DLGAP2: variants seen among roughly 807,000 people sequenced by gnomAD.
DLGAP2 encodes the protein DLG associated protein 2.
DLGAP2 carries 26 observed loss-of-function variants against 100.3 expected under a neutral mutation model. That is an observed-to-expected ratio of 0.26 (90% CI 0.19 to 0.36). DLGAP2 has a LOEUF of 0.36. Ranked by LOEUF, DLGAP2 falls within the 10% of genes least tolerant of loss-of-function variation. DLGAP2 has a pLI of 1.00. For missense variants in DLGAP2, 1,858 were observed against 1,453.2 expected (o/e 1.28, Z -4.53); for synonymous variants, 886 against 630.1 (o/e 1.41, Z -6.08).
At chr8:1,219,160 G>A (rs552157405) in intron 2 of DLGAP2, among the ~76,000 whole-genome samples, 1 of 152,252 alleles carries the variant, frequency 6.6e-6, no homozygotes, top group South Asian at 2.1e-4. Context: ...GTACTATGTT[G>A]AATAGAAGTA....
At chr8:1,472,068 C>T (rs377603638) in intron 3 of DLGAP2, among the ~76,000 whole-genome samples, 2 of 152,236 alleles carry the variant, frequency 1.3e-5, no homozygotes, top group African/African-American at 4.8e-5. Flanking sequence ...ATAGCAGCCA[C>T]GATTGAGCGT....
intron 2 of DLGAP2, among the ~76,000 whole-genome samples, chr8:1,187,805 C>G (rs967425208): frequency 7.5e-6 from 1 of 132,802 alleles, no homozygotes; most frequent in African/African-American, 3.6e-5. Flanking sequence ...CTCATGGAAT[C>G]TCACACGCCC....
At chr8:1,352,162 C>T (rs557876531) in intron 3 of DLGAP2, among the ~76,000 whole-genome samples, 3 of 108,322 alleles carry the variant, frequency 2.8e-5, no homozygotes, top group South Asian at 7.2e-4. Context: ...AAAGGCCGTG[C>T]GGGTCCTGAG....
chr8:1,436,147 C>T lies in DLGAP2; in HGVS notation c.107-65219C>T, dbSNP rs560613380. Among the ~76,000 whole-genome samples the T allele has an allele frequency of 4.6e-5, 7 of 152,228 alleles. No individual in the cohort carries two copies. In the East Asian group the frequency reaches 5.8e-4, roughly 13 times the overall value. ...GACTCACAACCACAAGGTGAACTCC[C>T]ACCACAAGCCGTCTGCAAGCTGAGG... On this transcript the variant is annotated intron_variant, in intron 3 of 14. Coordinates refer to ENST00000637795, the MANE Select transcript of DLGAP2 (RefSeq NM_001346810.2).
intron 2 of DLGAP2, among the ~76,000 whole-genome samples, chr8:1,128,196 T>A (rs930271011): frequency 6.6e-6 from 1 of 151,486 alleles, no homozygotes; most frequent in African/African-American, 2.4e-5. Context: ...CCCCGTGTTG[T>A]GTTCGGTGAG....
At chr8:1,419,847 C>G (rs559120350) in intron 3 of DLGAP2, among the ~76,000 whole-genome samples, 2 of 152,322 alleles carry the variant, frequency 1.3e-5, no homozygotes, top group Non-Finnish European at 2.9e-5. Flanking sequence ...AATCCCACTA[C>G]TGAGTGTACA....
At chr8:1,475,327 A>G (rs1261869691) in intron 3 of DLGAP2, among the ~76,000 whole-genome samples, 1 of 152,170 alleles carries the variant, frequency 6.6e-6, no homozygotes, top group Non-Finnish European at 1.5e-5. Context: ...TTAAAAAAGA[A>G]AAAAAAGCCG....
chr8:946,356 C>T (rs191866990), intron 2 of DLGAP2, among the ~76,000 whole-genome samples: 1,703 of 151,974 alleles, frequency 0.011, 12 homozygotes, highest in Non-Finnish European at 0.018. Context: ...CTCCGCCTCC[C>T]GGGTTCACAC....
chr8:1,506,759 A>G (rs535140018), intron 4 of DLGAP2, among the ~76,000 whole-genome samples: 23 of 152,330 alleles, frequency 1.5e-4, no homozygotes, highest in Admixed American at 1.5e-3. Flanking sequence ...TGGTGCATTT[A>G]CAATCCCTGA....
At position 1,548,833 on chromosome 8, in the gene DLGAP2, G is replaced by A; in HGVS notation, c.380G>A (p.Ser127Asn). 1 of 1,580,080 alleles carries A rather than the reference G, an allele frequency of 6.3e-7. No individual in the cohort carries two copies. Among genetic ancestry groups the A allele is most frequent in the Non-Finnish European group, 8.6e-7 (1 of 1,167,064 alleles). Reference sequence around the variant, plus strand: ...CCCTACCTGCTGAGCCCCGCCGACAGCTGCCCCGGGGGGCGCCACCGCTGC... The same window carrying A: ...CCCTACCTGCTGAGCCCCGCCGACAACTGCCCCGGGGGGCGCCACCGCTGC... ...RPPYLLSPADSCPGGRHRCSP... is the reference protein window; with the variant it reads ...RPPYLLSPADNCPGGRHRCSP... Residue 127 changes from serine (S) to asparagine (N), a missense_variant, in exon 5 of 15, where the codon AGC becomes AAC. Coordinates refer to ENST00000637795, the MANE Select transcript of DLGAP2 (RefSeq NM_001346810.2).
At chr8:890,077 C>T (rs1471894068) in intron 1 of DLGAP2, among the ~76,000 whole-genome samples, 1 of 152,142 alleles carries the variant, frequency 6.6e-6, no homozygotes, top group Admixed American at 6.5e-5. Context: ...GTCACGCCAG[C>T]CTTCTAGTGA....
chr8:1,023,868 T>TGTGTGA (rs1801700846), intron 2 of DLGAP2, among the ~76,000 whole-genome samples: 1 of 149,870 alleles, frequency 6.7e-6, no homozygotes, highest in Admixed American at 6.7e-5. Context: ...TGTGTGTGTG[T>TGTGTGA]GTGTGTGTGT....
chr8:1,125,952 C>T (rs1796153744), intron 2 of DLGAP2, among the ~76,000 whole-genome samples: 1 of 152,230 alleles, frequency 6.6e-6, no homozygotes, highest in Non-Finnish European at 1.5e-5. Flanking sequence ...CCTGGCGCCC[C>T]ATCCGCCCTT....
chr8:827,365 G>A (rs1172315598), intron 1 of DLGAP2, among the ~76,000 whole-genome samples: 1 of 152,164 alleles, frequency 6.6e-6, no homozygotes, highest in South Asian at 2.1e-4. Flanking sequence ...AGACTTGCAT[G>A]CAAATTCATT....
chr8:1,412,502 C>G (rs1317787113), intron 3 of DLGAP2, among the ~76,000 whole-genome samples: 1 of 152,202 alleles, frequency 6.6e-6, no homozygotes, highest in Non-Finnish European at 1.5e-5. Flanking sequence ...ACTTGACCTG[C>G]AGAATAAATG....
intron 6 of DLGAP2, among the ~76,000 whole-genome samples, chr8:1,577,423 G>A (rs1050203109): frequency 2.0e-5 from 3 of 151,998 alleles, no homozygotes; most frequent in Non-Finnish European, 2.9e-5. Flanking sequence ...TCAAAAATTA[G>A]CTGGTGTAGT....
At chr8:1,421,210 G>A (rs76532445) in intron 3 of DLGAP2, among the ~76,000 whole-genome samples, 1,862 of 152,336 alleles carry the variant, frequency 0.012, 71 homozygotes, top group East Asian at 0.12. Context: ...TAACATCTGA[G>A]TGTTTCATGT....
chr8:1,090,065 C>A (rs1223956728), intron 2 of DLGAP2, among the ~76,000 whole-genome samples: 2 of 142,242 alleles, frequency 1.4e-5, no homozygotes, highest in African/African-American at 5.3e-5. Context: ...GGACCTGCTG[C>A]CTGTCTGCAC....
At position 1,201,956 on chromosome 8, in the gene DLGAP2, A is replaced by G. The variant is rs541854936; in HGVS notation, c.74-56895A>G. On this transcript the variant is annotated intron_variant, in intron 2 of 14. Transcript: ENST00000637795. ...GTGTGTGATGTGTGTATGTGTACAC[A>G]TGTGGTGTGTACAGTATCTGTGTAT... 3.8e-4 allele frequency among the ~76,000 whole-genome samples: 52 copies of G among 136,040 alleles called. 1 individual carries two copies. In the East Asian group the frequency reaches 9.2e-3, roughly 24 times the overall value. The allele number at this position is 136,040 out of a possible 152,430, so 89.2% of individuals were successfully genotyped here.
Sources: allele counts gnomAD v4.1 joint callset (sites outside exome capture counted in the v4.1 genomes callset), GRCh38; gene constraint gnomAD v4.1.1; transcripts MANE v1.5; gene names NCBI Gene and HGNC (gene_info 2026-07-23, HGNC 2026-07-21).